DDX4: variants seen among roughly 807,000 people sequenced by gnomAD.
DDX4 encodes the protein probable ATP-dependent RNA helicase DDX4.
DDX4 carries 25 observed loss-of-function variants against 100.0 expected under a neutral mutation model. The ratio of observed to expected loss-of-function variants is 0.25; its 90% CI spans 0.18 to 0.35. The LOEUF is 0.35. Ranked by LOEUF, DDX4 falls within the 10% of genes least tolerant of loss-of-function variation. The pLI is 1.00. For missense variants in DDX4, 635 were observed against 882.4 expected, an observed-to-expected ratio of 0.72 and a Z score of 3.55; for synonymous variants, 259 against 275.7, an observed-to-expected ratio of 0.94 and a Z score of 0.60.
chr5:55,740,288 A>G (rs947306102), intron 2 of DDX4, among the ~76,000 whole-genome samples: 31 of 147,720 alleles, frequency 2.1e-4, no homozygotes, highest in African/African-American at 5.3e-4. Context: ...TCCTGCCTCA[A>G]CCTCCCTCAG....
In DDX4 at chr5:55,759,011, C is replaced by T. The variant is rs933247500; in HGVS notation, c.128-1189C>T. ...TCAAGTGATCCTCCTGCCTTAACCT[C>T]CTAAATAGCTGGGTCTACAGGTGTG... On this transcript the variant is annotated intron_variant, in intron 3 of 21. Coordinates refer to ENST00000505374, the MANE Select transcript of DDX4 (RefSeq NM_024415.3). Among the ~76,000 whole-genome samples the T allele has an allele frequency of 1.3e-5, 2 of 151,820 alleles. 1 individual carries two copies. The highest frequency in any genetic ancestry group is 4.2e-4 in the South Asian group (2 of 4,810).
intron 7 of DDX4, among the ~76,000 whole-genome samples, chr5:55,776,225 T>G (rs1469925297): frequency 1.3e-5 from 2 of 152,212 alleles, no homozygotes; most frequent in Non-Finnish European, 2.9e-5. Context: ...GAGAATGAAT[T>G]AATTCAAAGA....
At chr5:55,772,639 A>G (rs909314428) in intron 7 of DDX4, among the ~76,000 whole-genome samples, 26 of 152,142 alleles carry the variant, frequency 1.7e-4, no homozygotes, top group African/African-American at 6.3e-4. Context: ...TCTCATGAAT[A>G]GACCTGTTTC....
chr5:55,778,089 C>G (rs1166837999), intron 7 of DDX4, among the ~76,000 whole-genome samples: 2 of 151,986 alleles, frequency 1.3e-5, no homozygotes, highest in East Asian at 3.9e-4. Context: ...ACAATTTGAT[C>G]ATCTTTTAAG....
intron 15 of DDX4, among the ~76,000 whole-genome samples, chr5:55,790,263 GCC>G (rs1742486389): frequency 6.7e-6 from 1 of 149,376 alleles, no homozygotes; most frequent in Non-Finnish European, 1.5e-5. Context: ...TCCTGCCTCA[GCC>G]ACCTGAGTAG....
intron 7 of DDX4, among the ~76,000 whole-genome samples, chr5:55,769,869 CTTTTT>C (rs113402904): frequency 7.1e-6 from 1 of 141,424 alleles, no homozygotes; most frequent in Non-Finnish European, 1.6e-5. Context: ...CCTTCTTTTA[CTTTTT>C]TTTTTTTTTT....
rs546657137 is a variant in DDX4 at position 55,806,697 on chromosome 5, T to G, written c.1616-6976T>G. Among the ~76,000 whole-genome samples the G allele has an allele frequency of 4.1e-4, 63 of 152,334 alleles. 2 individuals are homozygous for G. In the South Asian group the frequency reaches 0.013, roughly 31 times the overall value. On this transcript the variant is annotated intron_variant, in intron 18 of 21. Transcript: ENST00000505374. ...GCACTGTGGTCTGAGAGACAGTTTGTTATAATTTCTGTTCTTTAACATTTG... is the reference window on the plus strand; with the variant it reads ...GCACTGTGGTCTGAGAGACAGTTTGGTATAATTTCTGTTCTTTAACATTTG...
At position 55,798,609 on chromosome 5, in the gene DDX4, A is replaced by AT. The variant is rs535214367; in HGVS notation, c.1615+46dup. On this transcript the variant is annotated intron_variant, in intron 18 of 21. Coordinates refer to ENST00000505374, the MANE Select transcript of DDX4 (RefSeq NM_024415.3). ...GATACATTTTTTTGTCATGATTTTG[A>AT]TTTTTTTTAATGAATAATTTAAAAA... is the stretch of plus-strand genomic sequence containing the variant. 683 of 1,531,004 alleles carry AT rather than the reference A, an allele frequency of 4.5e-4. 3 individuals are homozygous for AT. Among genetic ancestry groups the AT allele is most frequent in the African/African-American group, 4.1e-3 (291 of 71,604 alleles). 94.8% of individuals were successfully genotyped at this position (1,531,004 alleles called of 1,614,324 possible). A position where few individuals can be genotyped will look rare whatever the true frequency, so the allele number is the denominator to read the frequency against.
intron 7 of DDX4, among the ~76,000 whole-genome samples, chr5:55,775,639 A>G (rs1348457988): frequency 6.6e-6 from 1 of 152,218 alleles, no homozygotes; most frequent in Admixed American, 6.5e-5. Flanking sequence ...TATAATAACT[A>G]TCTGGTAAGT....
intron 14 of DDX4, among the ~76,000 whole-genome samples, chr5:55,787,021 A>G (rs1274950264): frequency 6.6e-6 from 1 of 152,244 alleles, no homozygotes; most frequent in Non-Finnish European, 1.5e-5. Context: ...CTCGAAGTCA[A>G]AAGATTAAAG....
chr5:55,775,790 A>T (rs1287691993), intron 7 of DDX4, among the ~76,000 whole-genome samples: 5 of 152,154 alleles, frequency 3.3e-5, no homozygotes, highest in Non-Finnish European at 7.3e-5. Flanking sequence ...TGAAATGCAG[A>T]CTATACCTTC....
At chr5:55,754,204 A>G (rs1204840717) in intron 3 of DDX4, among the ~76,000 whole-genome samples, 1 of 150,646 alleles carries the variant, frequency 6.6e-6, no homozygotes, top group Non-Finnish European at 1.5e-5. Context: ...AACTTCCAAC[A>G]CTATGTTGAA....
intron 15 of DDX4, 152 bp downstream of exon 15, chr5:55,788,152 ATTTT>A: frequency 2.7e-6 from 2 of 754,242 alleles, no homozygotes; most frequent in Non-Finnish European, 4.0e-6. Flanking sequence ...AATCCTTTTC[ATTTT>A]TGAAAAGAAA....
intron 5 of DDX4, 30 bp downstream of exon 5, chr5:55,763,282 C>G (rs564937504): frequency 7.3e-7 from 1 of 1,374,190 alleles, no homozygotes; most frequent in South Asian, 1.2e-5. Flanking sequence ...ATCTTACAAT[C>G]AAAACTTGAG....
Position 55,763,199 on chromosome 5 carries a change from A to G in DDX4, c.230A>G (p.Asp77Gly). Residue 77 changes from aspartate (D) to glycine (G), a missense_variant, in exon 5 of 22, where the codon GAT becomes GGT. Physicochemically the swap from Asp to Gly is moderately conservative, Grantham distance 94 (BLOSUM62 -1). Transcript: ENST00000505374. ...GATGCTGGTGAGTGTAATAAGCGAG[A>G]TAATACATCCACAATGGGTGGTTTT... Reference protein sequence around the residue: ...NRDAGECNKRDNTSTMGGFGV... With the variant: ...NRDAGECNKRGNTSTMGGFGV... 1 of 1,612,432 alleles carries G rather than the reference A, an allele frequency of 6.2e-7. No individual in the cohort carries two copies. Among genetic ancestry groups the G allele is most frequent in the African/African-American group, 1.3e-5 (1 of 74,982 alleles).
intron 2 of DDX4, among the ~76,000 whole-genome samples, chr5:55,744,109 G>A (rs980609608): frequency 4.6e-5 from 7 of 151,946 alleles, no homozygotes; most frequent in African/African-American, 1.7e-4. Flanking sequence ...TGTTATTTTT[G>A]TGCCCTTAAT....
chr5:55,773,742 A>C (rs1260141819), intron 7 of DDX4, among the ~76,000 whole-genome samples: 1 of 151,996 alleles, frequency 6.6e-6, no homozygotes, highest in Non-Finnish European at 1.5e-5. Flanking sequence ...CTTCCACCTC[A>C]GCCCTCTGTG....
chr5:55,806,792 G>A (rs997109888), intron 18 of DDX4, among the ~76,000 whole-genome samples: 4 of 152,184 alleles, frequency 2.6e-5, no homozygotes, highest in Non-Finnish European at 5.9e-5. Flanking sequence ...TGAGAAGACT[G>A]TATATTCTGT....
chr5:55,769,675 A>G (rs1741136823), intron 7 of DDX4, among the ~76,000 whole-genome samples: 1 of 152,164 alleles, frequency 6.6e-6, no homozygotes, highest in African/African-American at 2.4e-5. Context: ...TTTAAAATTC[A>G]TATGGAACCA....
Sources: gnomAD v4.1 joint callset for allele counts (sites outside exome capture counted in the v4.1 genomes callset) on GRCh38, gnomAD v4.1.1 for gene constraint, MANE v1.5 for transcripts, NCBI Gene and HGNC (gene_info 2026-07-23, HGNC 2026-07-21) for gene names.